Variants in NOSTRIN observed in about 807,000 individuals in gnomAD.
The protein encoded by NOSTRIN is BM247 homolog.
NOSTRIN carries 63 observed loss-of-function variants against 59.0 expected under a neutral mutation model. The observed-to-expected ratio is 1.07, with a 90% CI of 0.87 to 1.32. The LOEUF (loss-of-function observed/expected upper bound fraction) is 1.32. Among genes scored for constraint, NOSTRIN ranks in the 40% most tolerant of loss-of-function variants. The probability of loss-of-function intolerance (pLI) is 0.00; values close to 1 mark genes in which losing one functional copy is unlikely to be tolerated. For synonymous variants in NOSTRIN, 200 were observed against 165.4 expected, an observed-to-expected ratio of 1.21 and a Z score of -1.61; for missense variants, 512 against 473.1, an observed-to-expected ratio of 1.08 and a Z score of -0.76.
At chr2:168,843,362 G>A (rs1405897132) in intron 8 of NOSTRIN, among the ~76,000 whole-genome samples, 1 of 152,200 alleles carries the variant, frequency 6.6e-6, no homozygotes, top group Admixed American at 6.5e-5. Context: ...GGACAGGATA[G>A]CACCCAGCTA....
chr2:168,811,696 T>G, intron 2 of NOSTRIN, 44 bp downstream of exon 2: 1 of 770,866 alleles, frequency 1.3e-6, no homozygotes, highest in Non-Finnish European at 2.3e-6. Flanking sequence ...CCTCTTTAGT[T>G]GTAGCAAGTG....
At chr2:168,842,920 T>C in intron 7 of NOSTRIN, 72 bp from the exon 8 acceptor site, 2 of 825,810 alleles carry the variant, frequency 2.4e-6, no homozygotes, top group South Asian at 3.0e-5. Flanking sequence ...CCACATATAA[T>C]TATTACTATG....
chr2:168,837,825 C>T (rs1460641380), intron 7 of NOSTRIN, among the ~76,000 whole-genome samples: 8 of 152,262 alleles, frequency 5.3e-5, no homozygotes, highest in Non-Finnish European at 8.8e-5. Context: ...GTTTATTTCC[C>T]GTTTCTAGAA....
chr2:168,841,872 C>T (rs990051985), intron 7 of NOSTRIN, among the ~76,000 whole-genome samples: 3 of 152,178 alleles, frequency 2.0e-5, no homozygotes, highest in Non-Finnish European at 2.9e-5. Context: ...TAACAAAATA[C>T]GGACATCCAT....
upstream of NOSTRIN, among the ~76,000 whole-genome samples, chr2:168,799,710 T>C (rs1685566836): frequency 6.6e-6 from 1 of 152,180 alleles, no homozygotes; most frequent in Non-Finnish European, 1.5e-5. Context: ...CTAACGCCAG[T>C]CTGCTGAGGT....
In NOSTRIN at chr2:168,849,748, G is replaced by A. The variant is rs183826942; in HGVS notation, c.631-1336G>A. Among the ~76,000 whole-genome samples, 952 of 150,276 alleles carry A rather than the reference G, an allele frequency of 6.3e-3. 3 individuals are homozygous for A. The highest frequency in any genetic ancestry group is 9.2e-3 in the Non-Finnish European group (627 of 67,832). On this transcript the variant is annotated intron_variant, in intron 8 of 15. Transcript: ENST00000317647. ...CTCCATCAAAGCCCAAAGTCCCCTG[G>A]GCACATACCCAGCAGCCTTACACTG...
rs770824488 is a variant in NOSTRIN, at chr2:168,843,100, C to G, written c.613C>G (p.Leu205Val). The G allele has an allele frequency of 3.4e-6, 3 of 871,530 alleles. No homozygotes were observed. Among genetic ancestry groups the G allele is most frequent in the South Asian group, 1.3e-5 (1 of 76,236 alleles). 54.0% of individuals were successfully genotyped at this position (871,530 alleles called of 1,614,324 possible). A position where few individuals can be genotyped will look rare whatever the true frequency, so the allele number is the denominator to read the frequency against. Reference protein sequence around the residue: ...YSTRLKWENTLENCYQSILEL... With the variant: ...YSTRLKWENTVENCYQSILEL... ...TACCAGACTGAAATGGGAAAACACA[C>G]TAGAGAACTGCTACCAGGTAAGTTA... Residue 205 changes from leucine to valine, a missense_variant, in exon 8 of 16, where the codon CTA (leucine) becomes GTA (valine). Coordinates refer to ENST00000317647, the MANE Select transcript of NOSTRIN (RefSeq NM_001039724.4).
chr2:168,798,439 G>A (rs117439705), upstream of NOSTRIN, among the ~76,000 whole-genome samples: 9 of 152,176 alleles, frequency 5.9e-5, no homozygotes, highest in East Asian at 5.8e-4. Flanking sequence ...TCATAAATGC[G>A]TACTCATGTT....
intron 11 of NOSTRIN, 144 bp downstream of exon 11, chr2:168,855,604 A>AC (rs1689032032): frequency 8.0e-6 from 3 of 375,302 alleles, no homozygotes; most frequent in Admixed American, 6.7e-5. Flanking sequence ...AGTTGTGTGA[A>AC]CAAAAAAAAA....
intron 15 of NOSTRIN, chr2:168,863,407 G>A (rs748784808): frequency 1.2e-5 from 12 of 984,796 alleles, no homozygotes; most frequent in Non-Finnish European, 1.4e-5. Flanking sequence ...AGAGTGAAAG[G>A]AAGACTGAAA....
chr2:168,814,146 T>G (rs955624271), intron 2 of NOSTRIN, among the ~76,000 whole-genome samples: 1 of 152,226 alleles, frequency 6.6e-6, no homozygotes, highest in African/African-American at 2.4e-5. Flanking sequence ...AGACAGCATT[T>G]CTGTGTATTA....
chr2:168,864,848 A>T lies in NOSTRIN; in HGVS notation c.1399A>T (p.Ile467Leu). ...TATTTTCACAGGTGACATTGTGATT[A>T]TACACGAGAAAAAAGAAGGAGGATG... ...LNLEKGDIVI[I>L]HEKKEGGWWF... The change falls in exon 16 of 16, where the codon ATA (isoleucine) becomes TTA (leucine). Residue 467 changes from isoleucine (I) to leucine (L), a missense_variant. Physicochemically the swap from Ile to Leu is conservative, Grantham distance 5. Transcript: ENST00000317647. The T allele has an allele frequency of 6.2e-7, 1 of 1,613,972 alleles. No individual in the cohort carries two copies. Among genetic ancestry groups the T allele is most frequent in the Non-Finnish European group, 8.5e-7 (1 of 1,179,890 alleles).
At chr2:168,828,076 C>G in intron 3 of NOSTRIN, 82 bp from the exon 4 acceptor site, 1 of 825,802 alleles carries the variant, frequency 1.2e-6, no homozygotes. Flanking sequence ...GAATCAGATG[C>G]GATGCTGTAT....
chr2:168,798,762 A>G (rs1685545535), upstream of NOSTRIN, among the ~76,000 whole-genome samples: 1 of 152,112 alleles, frequency 6.6e-6, no homozygotes, highest in African/African-American at 2.4e-5. Context: ...ATTTTCAGAA[A>G]GTGTGAATGG....
chr2:168,830,557 C>T (rs551484738), intron 5 of NOSTRIN, among the ~76,000 whole-genome samples: 10 of 152,286 alleles, frequency 6.6e-5, no homozygotes, highest in African/African-American at 1.9e-4. Context: ...GGTTGAATAA[C>T]GGCTGATCTG....
chr2:168,792,117 G>A (rs1324286185), intron 2 of NOSTRIN, among the ~76,000 whole-genome samples: 1 of 152,046 alleles, frequency 6.6e-6, no homozygotes, highest in Non-Finnish European at 1.5e-5. Flanking sequence ...ATGGTTTTAG[G>A]TCTAACATGT....
rs1016519566 is a variant in NOSTRIN, at chr2:168,865,500, C to A, written c.*530C>A. The stretch of plus-strand genomic sequence containing the variant: ...GGGATGGTAGGATATCTCTGACAAA[C>A]CCACAGCCAATATCATACTGAATGG... On this transcript the variant is annotated 3_prime_UTR_variant, in exon 16 of 16. Coordinates refer to ENST00000317647, the MANE Select transcript of NOSTRIN (RefSeq NM_001039724.4). The A allele has an allele frequency of 2.7e-4, 41 of 153,900 alleles. No homozygotes were observed. In the South Asian group the frequency reaches 3.7e-3, roughly 14 times the overall value. The allele number at this position is 153,900 out of a possible 1,614,324, so 9.5% of individuals were successfully genotyped here.
intron 2 of NOSTRIN, chr2:168,818,144 C>A (rs776674502): frequency 3.7e-5 from 10 of 269,110 alleles, no homozygotes; most frequent in South Asian, 7.3e-5. Flanking sequence ...AAGGGCTTAG[C>A]TCTATTTTAT....
intron 8 of NOSTRIN, among the ~76,000 whole-genome samples, chr2:168,848,018 A>T (rs1224557579): frequency 6.6e-6 from 1 of 152,182 alleles, no homozygotes; most frequent in African/African-American, 2.4e-5. Context: ...CCCACTAGGG[A>T]TGCAATATGT....
Sources: allele counts gnomAD v4.1 joint callset (sites outside exome capture counted in the v4.1 genomes callset), GRCh38; gene constraint gnomAD v4.1.1; transcripts MANE v1.5; gene names NCBI Gene and HGNC (gene_info 2026-07-23, HGNC 2026-07-21).